VPS35: variants seen among roughly 807,000 people sequenced by gnomAD.
The protein encoded by VPS35 is VPS35 retromer complex component.
Under a neutral mutation model 98.1 loss-of-function variants are expected in VPS35, and 21 were observed. The observed-to-expected ratio is 0.21, with a 90% CI of 0.15 to 0.31. The LOEUF is 0.31. VPS35 is among the 10% of genes least tolerant of loss of function. The probability of loss-of-function intolerance (pLI) is 1.00; values close to 1 mark genes in which losing one functional copy is unlikely to be tolerated. For synonymous variants in VPS35, 268 were observed against 318.2 expected (o/e 0.84, Z 1.68); for missense variants, 554 against 950.8 (o/e 0.58, Z 5.49).
chr16:46,681,625 CA>C, intron 3 of VPS35, 125 bp from the exon 4 acceptor site: 1 of 1,154,744 alleles, frequency 8.7e-7, no homozygotes, highest in Non-Finnish European at 1.3e-6. Flanking sequence ...AGAAAGTGTT[CA>C]AGCGAAGGAT....
chr16:46,669,089 ACT>A (rs777936455), intron 12 of VPS35, 37 bp from the exon 13 acceptor site: 1 of 1,613,058 alleles, frequency 6.2e-7, no homozygotes. Context: ...AAATTTCCAA[ACT>A]CTGATTAATC....
chr16:46,668,586 T>C (rs931082540), intron 13 of VPS35, among the ~76,000 whole-genome samples: 5 of 152,190 alleles, frequency 3.3e-5, no homozygotes, highest in African/African-American at 1.2e-4. Context: ...TTCAATGATA[T>C]GCCTTTAGAG....
At chr16:46,680,123 G>A (rs981441953) in intron 5 of VPS35, among the ~76,000 whole-genome samples, 1 of 152,106 alleles carries the variant, frequency 6.6e-6, no homozygotes, top group Non-Finnish European at 1.5e-5. Flanking sequence ...CCCTGCTGTG[G>A]GATAAAAGTA....
At chr16:46,674,203 G>A (rs1240646015) in intron 10 of VPS35, 111 bp downstream of exon 10, 1 of 1,198,802 alleles carries the variant, frequency 8.3e-7, no homozygotes, top group East Asian at 2.5e-5. Flanking sequence ...CAATCTTAAT[G>A]CATGATTAAA....
chr16:46,666,029 A>G (rs166096), intron 13 of VPS35, among the ~76,000 whole-genome samples: 148,630 of 152,152 alleles, frequency 0.98, 72,671 homozygotes, highest in East Asian at 1. Flanking sequence ...TCAGCTTCCC[A>G]AGTAGCTGGG....
rs1006165689 is a variant in VPS35, at chr16:46,683,752, T to C, written c.4-146A>G. ...ACCAAATTTTTTTTTTGAGACGGAG[T>C]CTAGCTCTGTCGCCCAGGCTGGAGT... On this transcript the variant is annotated intron_variant, in intron 1 of 16. Coordinates refer to ENST00000299138, the MANE Select transcript of VPS35 (RefSeq NM_018206.6). 5.0e-6 allele frequency: 4 copies of C among 806,758 alleles called. No homozygotes were observed. The African/African-American group carries it at 6.8e-5, about 14-fold the overall frequency. The allele number at this position is 806,758 out of a possible 1,614,324, so 50.0% of individuals were successfully genotyped here.
At chr16:46,669,608 A>C (rs888709089) in intron 12 of VPS35, among the ~76,000 whole-genome samples, 2 of 151,654 alleles carry the variant, frequency 1.3e-5, no homozygotes, top group Non-Finnish European at 2.9e-5. Flanking sequence ...TGGAGGTTGC[A>C]GTAAGCTGGG....
chr16:46,678,210 T>C (rs1337726381), intron 6 of VPS35, among the ~76,000 whole-genome samples: 2 of 151,868 alleles, frequency 1.3e-5, no homozygotes, highest in African/African-American at 4.8e-5. Context: ...ATCTGCACTG[T>C]TATTAGTTGT....
Position 46,681,388 on chromosome 16 carries a change from A to G in VPS35, c.312T>C (p.Ile104=). The change falls in exon 4 of 17, where the codon ATT becomes ATC. Residue 104 remains isoleucine, a synonymous_variant. Coordinates refer to ENST00000299138, the MANE Select transcript of VPS35 (RefSeq NM_018206.6). ...LYELVQYAGN[I]IPRLYLLITV... is the part of the protein sequence containing the mutation. ...TTGTAATTACTTACAGCCTTGGGATAATGTTTCCAGCATACTGTACAAGTT... is the reference window on the plus strand; with the variant it reads ...TTGTAATTACTTACAGCCTTGGGATGATGTTTCCAGCATACTGTACAAGTT... The G allele has an allele frequency of 8.1e-6, 13 of 1,613,724 alleles. No homozygotes were observed. Among genetic ancestry groups the G allele is most frequent in the Non-Finnish European group, 1.1e-5 (13 of 1,179,698 alleles).
chr16:46,682,351 TGAAAAA>T (rs760512362), intron 2 of VPS35, 176 bp from the exon 3 acceptor site: 2 of 588,550 alleles, frequency 3.4e-6, no homozygotes, highest in African/African-American at 3.7e-5. Context: ...CCGTCTCTAC[TGAAAAA>T]GAAAAAGATA....
intron 13 of VPS35, among the ~76,000 whole-genome samples, chr16:46,664,083 C>T (rs1271913210): frequency 6.6e-6 from 1 of 151,918 alleles, no homozygotes; most frequent in Non-Finnish European, 1.5e-5. Context: ...CAAAATCATC[C>T]ACACATCATC....
At chr16:46,676,399 CTT>C in intron 8 of VPS35, 182 bp downstream of exon 8, 2 of 582,578 alleles carry the variant, frequency 3.4e-6, no homozygotes, top group South Asian at 4.3e-5. Context: ...AGTTAAGCCT[CTT>C]TCATGTCTAA....
At chr16:46,663,863 T>C (rs1175557240) in intron 13 of VPS35, among the ~76,000 whole-genome samples, 1 of 37,544 alleles carries the variant, frequency 2.7e-5, no homozygotes, top group African/African-American at 1.4e-4. Context: ...ACCTGGCTAA[T>C]TTTTTTTTTT....
intron 13 of VPS35, among the ~76,000 whole-genome samples, chr16:46,666,505 T>C (rs1965991696): frequency 6.6e-6 from 1 of 152,144 alleles, no homozygotes; most frequent in Non-Finnish European, 1.5e-5. Context: ...CGACCTCAGG[T>C]GAACCGCCTG....
chr16:46,686,529 CTT>C (rs1966318458), intron 1 of VPS35, among the ~76,000 whole-genome samples: 2 of 152,106 alleles, frequency 1.3e-5, no homozygotes, highest in Admixed American at 1.3e-4. Flanking sequence ...CAGAATATGA[CTT>C]ATTACAAAGT....
At position 46,680,754 on chromosome 16, in the gene VPS35, T is replaced by C. The variant is rs1231499678; in HGVS notation, c.423A>G (p.Gln141=). 4.3e-6 allele frequency: 7 copies of C among 1,613,966 alleles called. No individual in the cohort carries two copies. Among genetic ancestry groups the C allele is most frequent in the African/African-American group, 4.0e-5 (3 of 74,928 alleles). Residue 141 remains glutamine, a synonymous_variant, in exon 5 of 17, where the codon CAA becomes CAG. Transcript: ENST00000299138. ...KDLVEMCRGV[Q]HPLRGLFLRN... is the part of the protein sequence containing the mutation. Reference sequence around the variant, plus strand: ...GAAGAAACAGACCCCTCAAGGGATGTTGCACACCACGGCACATTTCTACCA... The same window carrying C: ...GAAGAAACAGACCCCTCAAGGGATGCTGCACACCACGGCACATTTCTACCA...
At chr16:46,681,199 T>G (rs920925054) in intron 4 of VPS35, among the ~76,000 whole-genome samples, 178 bp downstream of exon 4, 1 of 152,020 alleles carries the variant, frequency 6.6e-6, no homozygotes, top group African/African-American at 2.4e-5. Flanking sequence ...TCCTCAAATA[T>G]CTACATAAAA....
At chr16:46,680,636 A>T in intron 5 of VPS35, 35 bp downstream of exon 5, 1 of 1,605,006 alleles carries the variant, frequency 6.2e-7, no homozygotes, top group South Asian at 1.1e-5. Flanking sequence ...AATGAAAGAA[A>T]TATTGCAACA....
At chr16:46,677,560 AG>A (rs1308308023) in intron 6 of VPS35, 162 bp from the exon 7 acceptor site, 1 of 658,914 alleles carries the variant, frequency 1.5e-6, no homozygotes, top group Admixed American at 2.4e-5. Flanking sequence ...TTTTGAGACA[AG>A]GTCTTGTTCG....
Sources: allele counts gnomAD v4.1 joint callset (sites outside exome capture counted in the v4.1 genomes callset), GRCh38; gene constraint gnomAD v4.1.1; transcripts MANE v1.5; gene names NCBI Gene and HGNC (gene_info 2026-07-23, HGNC 2026-07-21).